Variants in ZFHX3 observed in about 807,000 individuals in gnomAD.
ZFHX3 encodes the protein zinc finger homeobox protein 3.
Under a neutral mutation model 279.1 loss-of-function variants are expected in ZFHX3, and 42 were observed. The ratio of observed to expected loss-of-function variants is 0.15; its 90% CI spans 0.12 to 0.19. The LOEUF (loss-of-function observed/expected upper bound fraction) is 0.19. Ranked by LOEUF, ZFHX3 falls within the 10% of genes least tolerant of loss-of-function variation. The pLI is 1.00. For synonymous variants in ZFHX3, 2,293 were observed against 1,957.8 expected (o/e 1.17, Z -4.52); for missense variants, 4,981 against 4,754.0 (o/e 1.05, Z -1.40).
intron 1 of ZFHX3, among the ~76,000 whole-genome samples, chr16:73,783,213 C>T (rs1490545372): frequency 6.6e-6 from 1 of 152,190 alleles, no homozygotes; most frequent in African/African-American, 2.4e-5. Context: ...AGTTAATGTG[C>T]TTATAAAGGC....
chr16:73,751,869 C>G (rs1365749502), intron 1 of ZFHX3, among the ~76,000 whole-genome samples: 1 of 152,150 alleles, frequency 6.6e-6, no homozygotes, highest in South Asian at 2.1e-4. Flanking sequence ...TGATAATTTA[C>G]AGCAATTGGA....
At chr16:73,118,194 A>C (rs1219113764) in intron 7 of ZFHX3, among the ~76,000 whole-genome samples, 1 of 152,054 alleles carries the variant, frequency 6.6e-6, no homozygotes, top group Non-Finnish European at 1.5e-5. Context: ...AGAGGTCTTA[A>C]TTATTTTTTG....
chr16:73,681,698 C>T (rs2053011613), intron 1 of ZFHX3, among the ~76,000 whole-genome samples: 1 of 152,178 alleles, frequency 6.6e-6, no homozygotes, highest in African/African-American at 2.4e-5. Context: ...GTTCTCCGGA[C>T]TTAATATCCT....
chr16:72,792,760 T>A (rs184492605), intron 9 of ZFHX3, among the ~76,000 whole-genome samples: 49 of 152,292 alleles, frequency 3.2e-4, no homozygotes, highest in Admixed American at 9.1e-4. Context: ...CTGATAGCAG[T>A]TCTTTTGCCA....
Position 72,957,818 on chromosome 16 carries a change from C to T in ZFHX3, c.2328G>A (p.Ala776=), listed in dbSNP as rs576903188. Residue 776 remains alanine, a synonymous_variant, in exon 2 of 10, where the codon GCG becomes GCA. Transcript: ENST00000268489. Reference sequence around the variant, plus strand: ...TGGCTGCCGCCGCCGCCGCAGCCACCGCCGCCGCCGCCGCCCCGGCAGTGT... The same window carrying T: ...TGGCTGCCGCCGCCGCCGCAGCCACTGCCGCCGCCGCCGCCCCGGCAGTGT... The part of the protein sequence containing the change: ...FSHTAGAAAA[A]VAAAAAAANI... The T allele has an allele frequency of 2.1e-4, 315 of 1,504,528 alleles. 3 individuals are homozygous for T. The South Asian group carries it at 2.3e-3, about 11-fold the overall frequency. 93.2% of individuals were successfully genotyped at this position (1,504,528 alleles called of 1,614,324 possible). A position where few individuals can be genotyped will look rare whatever the true frequency, so the allele number is the denominator to read the frequency against.
At chr16:73,778,592 G>C (rs1470307311) in intron 1 of ZFHX3, among the ~76,000 whole-genome samples, 1 of 152,140 alleles carries the variant, frequency 6.6e-6, no homozygotes, top group African/African-American at 2.4e-5. Flanking sequence ...TAATAGGTGA[G>C]ACCTACCACT....
chr16:72,899,350 T>C (rs2038976584), intron 3 of ZFHX3, among the ~76,000 whole-genome samples: 1 of 152,046 alleles, frequency 6.6e-6, no homozygotes, highest in Non-Finnish European at 1.5e-5. Flanking sequence ...ATAAAGGGCT[T>C]CCCCACTCCT....
chr16:73,231,726 C>T (rs551477125), intron 5 of ZFHX3, among the ~76,000 whole-genome samples: 2 of 152,150 alleles, frequency 1.3e-5, no homozygotes, highest in Admixed American at 6.5e-5. Flanking sequence ...GGTTTCACCA[C>T]GCCGAGTGCC....
At chr16:73,749,891 A>G (rs916421558) in intron 1 of ZFHX3, among the ~76,000 whole-genome samples, 34 of 152,206 alleles carry the variant, frequency 2.2e-4, no homozygotes, top group Non-Finnish European at 1.5e-5. Context: ...CTCAAAGAAC[A>G]TTATGATGTA....
chr16:72,882,082 C>T (rs1443794500), intron 4 of ZFHX3, among the ~76,000 whole-genome samples: 9 of 152,148 alleles, frequency 5.9e-5, no homozygotes, highest in Admixed American at 4.6e-4. Flanking sequence ...AAAGAGGACC[C>T]CCGCCCAATG....
chr16:73,288,962 T>C lies in ZFHX3; in HGVS notation c.-1194+29278A>G, dbSNP rs1002406700. ...AAAAAACCCTCTTTGTCTCTTGTTA[T>C]ACCTTTTTTATGATCTAGGATGCTG... is the stretch of plus-strand genomic sequence containing the variant. On this transcript the variant is annotated intron_variant, in intron 4 of 17. Coordinates refer to the ZFHX3 transcript ENST00000641206. Among the ~76,000 whole-genome samples the C allele has an allele frequency of 1.3e-4, 20 of 148,260 alleles. No individual in the cohort carries two copies. The Admixed American group carries it at 1.4e-3, about 10-fold the overall frequency.
chr16:73,140,745 T>C (rs750336341), intron 6 of ZFHX3, among the ~76,000 whole-genome samples: 2 of 152,132 alleles, frequency 1.3e-5, no homozygotes, highest in African/African-American at 4.8e-5. Flanking sequence ...TCCCAGCTAC[T>C]TGGGAGGCTG....
chr16:72,925,067 G>A (rs79822964), intron 3 of ZFHX3, among the ~76,000 whole-genome samples: 2,054 of 152,318 alleles, frequency 0.013, 13 homozygotes, highest in Non-Finnish European at 0.022. Context: ...ATTCATATTT[G>A]CGGTCAACTG....
At chr16:73,164,339 A>G (rs1005993718) in intron 5 of ZFHX3, among the ~76,000 whole-genome samples, 2 of 152,160 alleles carry the variant, frequency 1.3e-5, no homozygotes, top group African/African-American at 4.8e-5. Flanking sequence ...CATCCTCTTG[A>G]AAGCCTGAGC....
At chr16:73,421,716 C>A (rs933784673) in intron 3 of ZFHX3, among the ~76,000 whole-genome samples, 30 of 152,088 alleles carry the variant, frequency 2.0e-4, no homozygotes. Flanking sequence ...TGTGGCAGAA[C>A]CTAGGTTTGT....
intron 2 of ZFHX3, among the ~76,000 whole-genome samples, chr16:73,583,936 T>C (rs537480226): frequency 9.2e-5 from 14 of 152,122 alleles, no homozygotes; most frequent in Admixed American, 2.0e-4. Context: ...AGGAAAAAAT[T>C]ACTCACTATG....
chr16:73,386,816 A>C (rs1181339436), intron 3 of ZFHX3: 3 of 151,958 alleles, frequency 2.0e-5, no homozygotes, highest in Admixed American at 2.0e-4. Context: ...TCATCACTGA[A>C]TTCTGATGGG....
intron 1 of ZFHX3, among the ~76,000 whole-genome samples, chr16:73,889,006 C>G (rs1424134364): frequency 6.6e-6 from 1 of 152,016 alleles, no homozygotes; most frequent in African/African-American, 2.4e-5. Context: ...CCAGGCTCCA[C>G]CATCTAATAG....
intron 2 of ZFHX3, among the ~76,000 whole-genome samples, chr16:73,471,217 T>A (rs1371564546): frequency 6.6e-6 from 1 of 152,216 alleles, no homozygotes; most frequent in Non-Finnish European, 1.5e-5. Context: ...CTGGTACAGC[T>A]TTTGCTCTTG....
Sources: gnomAD v4.1 joint callset for allele counts (sites outside exome capture counted in the v4.1 genomes callset) on GRCh38, gnomAD v4.1.1 for gene constraint, MANE v1.5 for transcripts, NCBI Gene and HGNC (gene_info 2026-07-23, HGNC 2026-07-21) for gene names.